GALNT16: variants seen among roughly 807,000 people sequenced by gnomAD.
The protein encoded by GALNT16 is polypeptide N-acetylgalactosaminyltransferase 16, also known as UDP-GalNAc:polypeptide N-acetylgalactosaminyltransferase-like protein 1.
Under a neutral mutation model 76.1 loss-of-function variants are expected in GALNT16, and 40 were observed. The ratio of observed to expected loss-of-function variants is 0.53; its 90% confidence interval spans 0.41 to 0.68. The LOEUF is 0.68. GALNT16 is among the 30% of genes least tolerant of loss of function. GALNT16 has a pLI of 0.00. For synonymous variants in GALNT16, 276 were observed against 285.2 expected (o/e 0.97, Z 0.32); for missense variants, 621 against 731.9 (o/e 0.85, Z 1.75).
chr14:69,297,631 C>CAA (rs11433868), intron 1 of GALNT16, among the ~76,000 whole-genome samples: 5,249 of 144,348 alleles, frequency 0.036, 90 homozygotes, highest in South Asian at 0.053. Context: ...TTGGAAAAGC[C>CAA]AAAAAAAAAA....
rs2045659719 is a variant in GALNT16 at position 69,353,146 on chromosome 14, T to G, written c.*978T>G. On this transcript the variant is annotated 3_prime_UTR_variant, in exon 15 of 15. Coordinates refer to ENST00000448469, the MANE Select transcript of GALNT16 (RefSeq NM_001168368.2). ...TCATTTGTCATTTTTGACTCCTGCT[T>G]TCTCAAAGGTTTTTGCCTCTGTCAA... Among the ~76,000 whole-genome samples the G allele has an allele frequency of 6.6e-6, 1 of 152,184 alleles. No individual in the cohort carries two copies. The highest frequency in any genetic ancestry group is 2.1e-4 in the South Asian group (1 of 4,822).
chr14:69,358,781 A>C (rs2045707628), downstream of GALNT16: 1 of 152,268 alleles, frequency 6.6e-6, no homozygotes, highest in Non-Finnish European at 1.5e-5. Flanking sequence ...CTCTCAGAGG[A>C]GCCCCATGAA....
intron 1 of GALNT16, among the ~76,000 whole-genome samples, chr14:69,265,479 G>A (rs1205300761): frequency 6.6e-6 from 1 of 152,192 alleles, no homozygotes; most frequent in Non-Finnish European, 1.5e-5. Flanking sequence ...AGAGGTAGGA[G>A]GACACTGGTA....
intron 1 of GALNT16, among the ~76,000 whole-genome samples, chr14:69,294,436 A>T (rs1213950048): frequency 6.6e-6 from 1 of 151,998 alleles, no homozygotes; most frequent in South Asian, 2.1e-4. Context: ...TTACCTTTTT[A>T]AAAAGCCACT....
intron 1 of GALNT16, among the ~76,000 whole-genome samples, chr14:69,284,080 C>T (rs2044578308): frequency 6.6e-6 from 1 of 152,172 alleles, no homozygotes; most frequent in Non-Finnish European, 1.5e-5. Flanking sequence ...GGTGCTCACA[C>T]CTGCCCTGCT....
At chr14:69,336,852 A>G (rs11628790) in intron 9 of GALNT16, among the ~76,000 whole-genome samples, 5,803 of 151,948 alleles carry the variant, frequency 0.038, 137 homozygotes, top group South Asian at 0.055. Flanking sequence ...AGCCTTCCAA[A>G]TAGCTGGGAC....
rs1594802315 is a variant in GALNT16, at chr14:69,260,222, G to T, written c.-69G>T. On this transcript the variant is annotated 5_prime_UTR_variant, in exon 1 of 15. Transcript: ENST00000448469. Reference sequence around the variant, plus strand: ...AGCGAAAACAAACAGCTGGGGCTGCGAGCGCCCCCGCCCCGGCCCCGAGAG... The same window carrying T: ...AGCGAAAACAAACAGCTGGGGCTGCTAGCGCCCCCGCCCCGGCCCCGAGAG... 1 of 1,189,476 alleles carries T rather than the reference G, an allele frequency of 8.4e-7. No homozygotes were observed. Among genetic ancestry groups the T allele is most frequent in the South Asian group, 1.2e-5 (1 of 82,120 alleles). The allele number at this position is 1,189,476 out of a possible 1,614,324, so 73.7% of individuals were successfully genotyped here.
chr14:69,368,648 G>A, the GALNT16 span, among the ~76,000 whole-genome samples: 1 of 152,132 alleles, frequency 6.6e-6, no homozygotes. Flanking sequence ...TAAGAGGAGG[G>A]TTTACACGAG....
At chr14:69,292,872 T>G (rs1410391537) in intron 1 of GALNT16, among the ~76,000 whole-genome samples, 1 of 152,236 alleles carries the variant, frequency 6.6e-6, no homozygotes, top group South Asian at 2.1e-4. Flanking sequence ...CAAATCACAG[T>G]GCTGAGAGCA....
chr14:69,336,994 T>G (rs1167324535), intron 9 of GALNT16, among the ~76,000 whole-genome samples: 1 of 152,228 alleles, frequency 6.6e-6, no homozygotes, highest in African/African-American at 2.4e-5. Flanking sequence ...CCCAAAGTCC[T>G]AAGATCACAG....
At chr14:69,322,489 T>C (rs2045203064) in intron 2 of GALNT16, among the ~76,000 whole-genome samples, 1 of 152,132 alleles carries the variant, frequency 6.6e-6, no homozygotes, top group Non-Finnish European at 1.5e-5. Context: ...CTGAGAAACT[T>C]AAAGGGGGAA....
intron 14 of GALNT16, 95 bp downstream of exon 14, chr14:69,348,097 A>G (rs2045591037): frequency 1.0e-5 from 13 of 1,306,406 alleles, no homozygotes; most frequent in Non-Finnish European, 1.4e-5. Context: ...GATTGACTCA[A>G]ATAAGCCCTT....
At chr14:69,279,057 A>T (rs1030373845) in intron 1 of GALNT16, among the ~76,000 whole-genome samples, 3 of 151,602 alleles carry the variant, frequency 2.0e-5, no homozygotes, top group African/African-American at 7.3e-5. Flanking sequence ...TCAGCCTCCC[A>T]AGTAGCTGGG....
intron 9 of GALNT16, among the ~76,000 whole-genome samples, chr14:69,336,543 C>A (rs1594860601): frequency 2.0e-5 from 3 of 152,260 alleles, no homozygotes; most frequent in Admixed American, 2.0e-4. Context: ...GGTCTTGGCT[C>A]AAATGTCCCT....
At chr14:69,363,467 G>A in the GALNT16 span, among the ~76,000 whole-genome samples, 2 of 152,248 alleles carry the variant, frequency 1.3e-5, no homozygotes, top group Admixed American at 6.5e-5. Flanking sequence ...TCTGAAACTC[G>A]GTCCCCTCAC....
At chr14:69,301,356 T>G (rs915928714) in intron 1 of GALNT16, among the ~76,000 whole-genome samples, 1 of 152,212 alleles carries the variant, frequency 6.6e-6, no homozygotes, top group African/African-American at 2.4e-5. Flanking sequence ...TTTATTTTTT[T>G]AAATTATTAT....
chr14:69,263,762 G>A (rs1349701359), intron 1 of GALNT16, among the ~76,000 whole-genome samples: 7 of 152,138 alleles, frequency 4.6e-5, no homozygotes, highest in East Asian at 3.8e-4. Flanking sequence ...TCCTGCTGTC[G>A]GCCCAAGTGT....
the GALNT16 span, among the ~76,000 whole-genome samples, chr14:69,367,720 T>C: frequency 3.8e-5 from 5 of 131,864 alleles, no homozygotes; most frequent in African/African-American, 1.4e-4. Context: ...CTCACACTTA[T>C]AATCCTAGCG....
intron 14 of GALNT16, chr14:69,350,703 G>C (rs895267403): frequency 7.2e-5 from 11 of 152,338 alleles, no homozygotes; most frequent in African/African-American, 2.7e-4. Context: ...TCTCCCCTCA[G>C]CTGCTCCCTG....
Sources: allele counts gnomAD v4.1 joint callset (sites outside exome capture counted in the v4.1 genomes callset), GRCh38; gene constraint gnomAD v4.1.1; transcripts MANE v1.5; gene names NCBI Gene and HGNC (gene_info 2026-07-23, HGNC 2026-07-21).